The following COL13A1 variants were observed in gnomAD, a reference collection of about 807,000 sequenced individuals.
COL13A1 encodes the protein collagen type XIII alpha 1 chain, also known as collagen alpha-1(XIII) chain.
A neutral mutation model predicts 130.9 loss-of-function variants in COL13A1; 89 were observed. That is an observed-to-expected ratio of 0.68 (90% CI 0.57 to 0.81). The LOEUF is 0.81. Among genes scored for constraint, COL13A1 ranks in the 30% least tolerant of loss-of-function variants. The pLI is 0.00. For missense variants in COL13A1, 879 were observed against 934.6 expected (o/e 0.94, Z 0.78); for synonymous variants, 402 against 341.6 (o/e 1.18, Z -1.95).
chr10:69,900,307 A>G (rs1167100634), intron 14 of COL13A1, among the ~76,000 whole-genome samples: 2 of 152,188 alleles, frequency 1.3e-5, no homozygotes, highest in Non-Finnish European at 2.9e-5. Flanking sequence ...TGAGAATTCT[A>G]TGCAAATTAT....
At chr10:69,832,283 C>G (rs1481548474) in intron 2 of COL13A1, among the ~76,000 whole-genome samples, 2 of 152,152 alleles carry the variant, frequency 1.3e-5, no homozygotes, top group East Asian at 3.8e-4. Context: ...AAAGGTATAC[C>G]CACCCTTAAA....
intron 16 of COL13A1, 39 bp from the exon 17 acceptor site, chr10:69,905,748 G>A (rs1317323518): frequency 6.2e-7 from 1 of 1,609,866 alleles, no homozygotes. Context: ...GTTTGGCAGT[G>A]GGAAAACCTC....
At chr10:69,945,757 C>T in intron 37 of COL13A1, 33 bp downstream of exon 37, 1 of 1,593,808 alleles carries the variant, frequency 6.3e-7, no homozygotes, top group Non-Finnish European at 8.5e-7. Context: ...TTCCTCTCCT[C>T]CCACCCCTGC....
chr10:69,934,174 A>T (rs2066523033), intron 31 of COL13A1, among the ~76,000 whole-genome samples: 1 of 152,118 alleles, frequency 6.6e-6, no homozygotes, highest in South Asian at 2.1e-4. Flanking sequence ...TATTCTTTTT[A>T]TTATTTTTAA....
At chr10:69,892,919 T>A (rs1481119278) in intron 10 of COL13A1, among the ~76,000 whole-genome samples, 1 of 152,170 alleles carries the variant, frequency 6.6e-6, no homozygotes, top group Non-Finnish European at 1.5e-5. Context: ...ATTGTCCAAG[T>A]CTCTGCAGTC....
chr10:69,832,864 G>A (rs1190031260), intron 2 of COL13A1, among the ~76,000 whole-genome samples: 1 of 152,218 alleles, frequency 6.6e-6, no homozygotes, highest in African/African-American at 2.4e-5. Flanking sequence ...GACAGAGTCG[G>A]GCATCCTCTC....
At chr10:69,860,745 A>G in intron 2 of COL13A1, 1 of 257,764 alleles carries the variant, frequency 3.9e-6, no homozygotes, top group South Asian at 3.7e-5. Flanking sequence ...CCTGAGCCCC[A>G]GGCTGCTATC....
intron 10 of COL13A1, 82 bp downstream of exon 10, chr10:69,889,522 G>C (rs1365248491): frequency 1.3e-6 from 2 of 1,549,138 alleles, no homozygotes; most frequent in African/African-American, 1.4e-5. Context: ...CTGCAAAGTG[G>C]GTCCCACAGG....
chr10:69,818,994 A>G (rs1015693284), intron 1 of COL13A1, among the ~76,000 whole-genome samples: 7 of 152,234 alleles, frequency 4.6e-5, no homozygotes, highest in Non-Finnish European at 1.0e-4. Context: ...TCTGAAGTCT[A>G]CAGTCACCTG....
chr10:69,946,795 G>GTT (rs201321769), intron 37 of COL13A1, among the ~76,000 whole-genome samples: 1 of 151,170 alleles, frequency 6.6e-6, no homozygotes, highest in African/African-American at 2.4e-5. Flanking sequence ...TTTGTTTTTT[G>GTT]TTTTTTGTTT....
chr10:69,912,540 C>A (rs2063493150), intron 17 of COL13A1, among the ~76,000 whole-genome samples: 1 of 151,830 alleles, frequency 6.6e-6, no homozygotes, highest in Non-Finnish European at 1.5e-5. Flanking sequence ...GAGCTGTCCA[C>A]CGACCGCCCC....
intron 31 of COL13A1, among the ~76,000 whole-genome samples, chr10:69,933,575 G>A (rs1277677742): frequency 2.6e-5 from 4 of 152,136 alleles, no homozygotes; most frequent in African/African-American, 9.7e-5. Context: ...AGCCTTCTCA[G>A]TCCCCATCAG....
At chr10:69,844,571 A>C (rs1320335013) in intron 2 of COL13A1, among the ~76,000 whole-genome samples, 1 of 152,228 alleles carries the variant, frequency 6.6e-6, no homozygotes, top group Non-Finnish European at 1.5e-5. Context: ...TAAAAGAGTT[A>C]ATACAGTGGC....
intron 7 of COL13A1, among the ~76,000 whole-genome samples, chr10:69,880,913 G>A (rs551129647): frequency 6.6e-6 from 1 of 152,340 alleles, no homozygotes; most frequent in East Asian, 1.9e-4. Context: ...TTTGTTTCTG[G>A]AAGCCCATGG....
chr10:69,878,738 C>T (rs2059859105), intron 6 of COL13A1, among the ~76,000 whole-genome samples: 4 of 152,354 alleles, frequency 2.6e-5, no homozygotes, highest in Middle Eastern at 3.4e-3. Flanking sequence ...CACTTGTCCT[C>T]CCAAAGTGCT....
In COL13A1 at chr10:69,889,430, A is replaced by C; in HGVS notation, c.593A>C (p.Lys198Thr). 1 of 1,611,954 alleles carries C rather than the reference A, an allele frequency of 6.2e-7. No homozygotes were observed. The highest frequency in any genetic ancestry group is 8.5e-7 in the Non-Finnish European group (1 of 1,179,224). ...TCCTTCCAGGGCCACCCAGGACCAA[A>C]GGGCGACATGGTAAGAGCCCAGCTT... ...LDGKPGHPGP[K>T]GDMGLTGPPG... Residue 198 changes from lysine to threonine, a missense_variant, in exon 10 of 41, where the codon AAG becomes ACG. Around this residue, in one of 3 missense-constraint regions of COL13A1, gnomAD observed 715 missense variants for 721.0 expected, o/e 0.99. Transcript: ENST00000645393.
Position 69,888,322 on chromosome 10 carries a change from G to A in COL13A1, c.568G>A (p.Gly190Ser), listed in dbSNP as rs1447676114. 10 of 1,612,802 alleles carry A rather than the reference G, an allele frequency of 6.2e-6. No individual in the cohort carries two copies. Among genetic ancestry groups the A allele is most frequent in the Non-Finnish European group, 8.5e-6 (10 of 1,179,484 alleles). ...GTTTCAGGGTCCCATTGGGCTGGAC[G>A]GCAAACCGGTAAGTGGACCCGCTCT... ...PGFPGPIGLD[G>S]KPGHPGPKGD... Residue 190 changes from glycine (G) to serine (S), a missense_variant, in exon 9 of 41, where the codon GGC becomes AGC. Physicochemically the swap from Gly to Ser is moderately conservative, Grantham distance 56. Coordinates refer to ENST00000645393, the MANE Select transcript of COL13A1 (RefSeq NM_001368882.1).
chr10:69,875,156 G>A lies in COL13A1; in HGVS notation c.428G>A (p.Gly143Glu). The change falls in exon 5 of 41, where the codon GGA (glycine) becomes GAA (glutamate). Residue 143 changes from glycine (G) to glutamate (E), a missense_variant. Coordinates refer to ENST00000645393, the MANE Select transcript of COL13A1 (RefSeq NM_001368882.1). Reference protein sequence around the residue: ...PGDKGAIGMPGRVGVKGQPGE... With the variant: ...PGDKGAIGMPERVGVKGQPGE... The stretch of plus-strand genomic sequence containing the variant: ...GACAAAGGTGCCATTGGGATGCCTG[G>A]ACGTGTGGTGAGTTGGCCCGTTTGT... 6.2e-7 allele frequency: 1 copy of A among 1,613,974 alleles called. No individual in the cohort carries two copies. Among genetic ancestry groups the A allele is most frequent in the Non-Finnish European group, 8.5e-7 (1 of 1,179,890 alleles).
chr10:69,813,841 C>T (rs78751839), intron 1 of COL13A1, among the ~76,000 whole-genome samples: 5,908 of 152,284 alleles, frequency 0.039, 411 homozygotes, highest in African/African-American at 0.14. Context: ...GGGATGTAGC[C>T]CATGGGGCCA....
Sources: allele counts gnomAD v4.1 joint callset (sites outside exome capture counted in the v4.1 genomes callset), GRCh38; gene constraint gnomAD v4.1.1; regional missense constraint gnomAD v4.1.1; transcripts MANE v1.5; gene names NCBI Gene and HGNC (gene_info 2026-07-23, HGNC 2026-07-21).